Variants in KLHDC4 observed in about 807,000 individuals in gnomAD.
KLHDC4 encodes kelch domain containing 4.
In KLHDC4, 90 loss-of-function variants were observed where a neutral mutation model predicts 62.4. The observed-to-expected ratio is 1.44, with a 90% confidence interval of 1.22 to 1.72. KLHDC4 has a LOEUF of 1.72. KLHDC4 is among the 40% of genes most tolerant of loss of function. The pLI is 0.00. For missense variants in KLHDC4, 1,025 were observed against 699.7 expected (o/e 1.47, Z -5.25); for synonymous variants, 386 against 284.4 (o/e 1.36, Z -3.59).
chr16:87,705,426 T>C (rs144203954), downstream of KLHDC4, among the ~76,000 whole-genome samples: 47 of 152,366 alleles, frequency 3.1e-4, no homozygotes, highest in African/African-American at 1.0e-3. Context: ...AGCCACTCCA[T>C]GCTGGGAGCT....
rs139047699 is a variant in KLHDC4 at position 87,716,881 on chromosome 16, G to C, written c.760-2308C>G. Among the ~76,000 whole-genome samples the C allele has an allele frequency of 3.2e-3, 494 of 152,154 alleles. 2 individuals carry two copies. Among genetic ancestry groups the C allele is most frequent in the African/African-American group, 0.011 (476 of 41,492 alleles). On this transcript the variant is annotated intron_variant, in intron 7 of 11. Coordinates refer to ENST00000270583, the MANE Select transcript of KLHDC4 (RefSeq NM_017566.4). The stretch of plus-strand genomic sequence containing the variant: ...CAGGAGGCGGAGCTTGCAGTGAGCC[G>C]AGATCTCGCCACTGCACTCCAGCCT...
chr16:87,716,338 C>A (rs1210729387), intron 7 of KLHDC4, among the ~76,000 whole-genome samples: 11 of 150,648 alleles, frequency 7.3e-5, no homozygotes, highest in Admixed American at 6.6e-4. Context: ...TGGATATTGA[C>A]GTAGACTCTG....
At chr16:87,761,822 G>A (rs1361330773) in intron 2 of KLHDC4, 127 bp downstream of exon 2, 1 of 921,646 alleles carries the variant, frequency 1.1e-6, no homozygotes, top group Non-Finnish European at 1.7e-6. Context: ...AAGTGACCAA[G>A]AACAGGTTTT....
chr16:87,728,926 C>G (rs958418150), intron 6 of KLHDC4, among the ~76,000 whole-genome samples: 1 of 152,088 alleles, frequency 6.6e-6, no homozygotes, highest in Non-Finnish European at 1.5e-5. Flanking sequence ...AGGTGTGCAC[C>G]ACCACACCTG....
At chr16:87,742,975 T>G (rs560373365) in intron 5 of KLHDC4, 1 of 152,338 alleles carries the variant, frequency 6.6e-6, no homozygotes, top group South Asian at 2.1e-4. Context: ...AGGAAAACTG[T>G]GAAACAGGAG....
chr16:87,700,839 C>CGGAGGGAGGAGGTTGGAGGGT (rs1161300267), exon 1 of KLHDC4: 4 of 86,026 alleles, frequency 4.6e-5, no homozygotes, highest in East Asian at 3.9e-4. Context: ...GGTTGGAGGG[C>CGGAGGGAGGAGGTTGGAGGGT]GGAGGGAGGA....
At chr16:87,734,949 AC>A (rs1567744488) in intron 5 of KLHDC4, among the ~76,000 whole-genome samples, 7 of 55,990 alleles carry the variant, frequency 1.3e-4, no homozygotes, top group African/African-American at 6.0e-4. Context: ...GCCCCCTCCC[AC>A]TCCTGACGAA....
intron 2 of KLHDC4, among the ~76,000 whole-genome samples, chr16:87,757,163 AC>A: frequency 6.6e-6 from 1 of 150,864 alleles, no homozygotes; most frequent in Non-Finnish European, 1.5e-5. Flanking sequence ...TCACCTCAAA[AC>A]CATTCTAAAA....
chr16:87,739,528 T>TCTCATCCATCCACACACCAGCAC (rs1567761606), intron 5 of KLHDC4, among the ~76,000 whole-genome samples: 17 of 82,460 alleles, frequency 2.1e-4, no homozygotes, highest in East Asian at 7.9e-4. Flanking sequence ...CACACCAGCA[T>TCTCATCCATCCACACACCAGCAC]CTCATCCATC....
At chr16:87,749,782 T>A (rs918979675) in intron 4 of KLHDC4, among the ~76,000 whole-genome samples, 1 of 152,042 alleles carries the variant, frequency 6.6e-6, no homozygotes, top group Non-Finnish European at 1.5e-5. Flanking sequence ...GTCTACGCTG[T>A]CCAGGCTGGT....
rs149667062 is a variant in KLHDC4 at position 87,711,379 on chromosome 16, G to C, written c.900C>G (p.Ser300=). 5.0e-6 allele frequency: 8 copies of C among 1,613,798 alleles called. No homozygotes were observed. The South Asian group carries it at 8.8e-5, about 18-fold the overall frequency. ...GVKPTPRSGF[S]VAMAPNHQTL... Reference sequence around the variant, plus strand: ...TCTGGTGATTCGGGGCCATGGCCACGGAAAAGCCAGACCGTGGGGTGGGCT... The same window carrying C: ...TCTGGTGATTCGGGGCCATGGCCACCGAAAAGCCAGACCGTGGGGTGGGCT... Residue 300 remains serine (S), a synonymous_variant, in exon 9 of 12, where the codon TCC becomes TCG. Coordinates refer to ENST00000270583, the MANE Select transcript of KLHDC4 (RefSeq NM_017566.4).
chr16:87,719,978 G>A (rs574944098), intron 7 of KLHDC4, among the ~76,000 whole-genome samples: 4 of 152,304 alleles, frequency 2.6e-5, no homozygotes, highest in Admixed American at 2.6e-4. Context: ...ACCTAGCTTA[G>A]CCTGCAGCCA....
In KLHDC4 at chr16:87,765,789, C is replaced by G. The variant is rs2046577958; in HGVS notation, c.99+3G>C. 1.3e-6 allele frequency: 2 copies of G among 1,570,794 alleles called. No individual in the cohort carries two copies. Among genetic ancestry groups the G allele is most frequent in the Non-Finnish European group, 1.7e-6 (2 of 1,157,990 alleles). On this transcript the variant is annotated splice_donor_region_variant and intron_variant, in intron 1 of 11. Coordinates refer to ENST00000270583, the MANE Select transcript of KLHDC4 (RefSeq NM_017566.4). ...GCCGCTAAGCCCGGTCTGACCCGCT[C>G]ACCTCCTCCTTCCGCGAGCGCTTAG...
chr16:87,731,525 G>C (rs1391480119), intron 5 of KLHDC4, among the ~76,000 whole-genome samples: 1 of 152,006 alleles, frequency 6.6e-6, no homozygotes, highest in Non-Finnish European at 1.5e-5. Flanking sequence ...AGCGGTCAGG[G>C]AAACATATGC....
intron 7 of KLHDC4, among the ~76,000 whole-genome samples, chr16:87,724,099 A>C (rs769451604): frequency 2.4e-4 from 36 of 152,220 alleles, no homozygotes; most frequent in Non-Finnish European, 4.0e-4. Flanking sequence ...CAGCCTCCCA[A>C]AGTGCTGGGA....
chr16:87,732,396 A>G (rs67419743), intron 5 of KLHDC4, among the ~76,000 whole-genome samples: 21,290 of 152,184 alleles, frequency 0.14, 2,530 homozygotes, highest in African/African-American at 0.32. Flanking sequence ...GCCTCTGGTC[A>G]GGTGTGTATA....
intron 2 of KLHDC4, among the ~76,000 whole-genome samples, chr16:87,761,266 G>C (rs1029920064): frequency 1.3e-5 from 2 of 152,316 alleles, no homozygotes; most frequent in East Asian, 1.9e-4. Context: ...AGGCCGGTGG[G>C]TGGGACTCGG....
chr16:87,761,075 T>A (rs1006586815), intron 2 of KLHDC4, among the ~76,000 whole-genome samples: 1 of 152,188 alleles, frequency 6.6e-6, no homozygotes, highest in African/African-American at 2.4e-5. Context: ...TAACTTACAT[T>A]TGGCCCTGAG....
At chr16:87,714,453 C>G in intron 8 of KLHDC4, 45 bp downstream of exon 8, 1 of 1,611,622 alleles carries the variant, frequency 6.2e-7, no homozygotes, top group Non-Finnish European at 8.5e-7. Context: ...CCTCCCGCCA[C>G]ACACAGACCA....
Sources: allele counts gnomAD v4.1 joint callset (sites outside exome capture counted in the v4.1 genomes callset), GRCh38; gene constraint gnomAD v4.1.1; transcripts MANE v1.5; gene names NCBI Gene and HGNC (gene_info 2026-07-23, HGNC 2026-07-21).